PDGFD: variants seen among roughly 807,000 people sequenced by gnomAD.
The protein encoded by PDGFD is platelet-derived growth factor D.
In PDGFD, 30 loss-of-function variants were observed where a neutral mutation model predicts 44.7. That is an observed-to-expected ratio of 0.67 (90% CI 0.50 to 0.91). The LOEUF is 0.91. Among genes scored for constraint, PDGFD ranks in the 40% least tolerant of loss-of-function variants. The pLI, the probability that PDGFD is intolerant of heterozygous loss-of-function variation, is 0.00. For missense variants in PDGFD, 445 were observed against 457.8 expected (o/e 0.97, Z 0.25); for synonymous variants, 173 against 168.4 (o/e 1.03, Z -0.21).
chr11:104,163,886 G>C lies in PDGFD; in HGVS notation c.42C>G (p.Asn14Lys), dbSNP rs924639839. ...CAGAAGTGTCCCGACAGCTGCAAAA[G>C]TTTGCGCAGATTAGAGTGTAGACAA... ...LIFVYTLICANFCSCRDTSAT... is the reference protein window; with the variant it reads ...LIFVYTLICAKFCSCRDTSAT... Residue 14 changes from asparagine to lysine, a missense_variant, in exon 1 of 7, where the codon AAC becomes AAG. Physicochemically the swap from Asn to Lys is moderately conservative, Grantham distance 94 (BLOSUM62 0). Transcript: ENST00000393158. The C allele has an allele frequency of 1.3e-6, 2 of 1,576,286 alleles. No homozygotes were observed. Among genetic ancestry groups the C allele is most frequent in the Admixed American group, 1.7e-5 (1 of 58,786 alleles).
chr11:104,158,452 G>C (rs893848940), intron 1 of PDGFD, among the ~76,000 whole-genome samples: 3 of 152,196 alleles, frequency 2.0e-5, no homozygotes, highest in African/African-American at 7.2e-5. Context: ...CATTCCAAGA[G>C]GTCAGGAACC....
At chr11:103,937,146 G>A (rs1224472746) in intron 5 of PDGFD, among the ~76,000 whole-genome samples, 1 of 152,082 alleles carries the variant, frequency 6.6e-6, no homozygotes, top group Non-Finnish European at 1.5e-5. Context: ...TTTAAAAGAG[G>A]AGTGGATTTG....
intron 1 of PDGFD, among the ~76,000 whole-genome samples, chr11:104,027,635 A>G (rs1015029485): frequency 6.6e-6 from 1 of 152,218 alleles, no homozygotes; most frequent in Non-Finnish European, 1.5e-5. Flanking sequence ...CAAAGCCACA[A>G]CAGGCTTTCT....
At position 104,092,136 on chromosome 11, in the gene PDGFD, A is replaced by T. The variant is rs539652140; in HGVS notation, c.124+71668T>A. Reference sequence around the variant, plus strand: ...AGCAAGGTGATGTTCCTAAGATCACATAGCTAGTGTATATCAGTGCCAAAA... The same window carrying T: ...AGCAAGGTGATGTTCCTAAGATCACTTAGCTAGTGTATATCAGTGCCAAAA... On this transcript the variant is annotated intron_variant, in intron 1 of 6. Transcript: ENST00000393158. Among the ~76,000 whole-genome samples the T allele has an allele frequency of 2.6e-5, 4 of 152,318 alleles. No homozygotes were observed. In the East Asian group the frequency reaches 7.7e-4, roughly 29 times the overall value.
At chr11:104,128,697 TTTTACCTCAATAAGTGTCA>T (rs2119834638) in intron 1 of PDGFD, among the ~76,000 whole-genome samples, 1 of 152,286 alleles carries the variant, frequency 6.6e-6, no homozygotes, top group South Asian at 2.1e-4. Flanking sequence ...GGGAAATTTA[TTTTACCTCAATAAGTGTCA>T]ACTTATTGAC....
chr11:103,939,208 C>G (rs112204727), intron 5 of PDGFD, among the ~76,000 whole-genome samples: 27 of 152,064 alleles, frequency 1.8e-4, no homozygotes, highest in East Asian at 5.8e-4. Flanking sequence ...TCTTCCATTT[C>G]TTTGTATCCT....
At chr11:103,964,207 T>TC (rs949845176) in intron 3 of PDGFD, among the ~76,000 whole-genome samples, 13 of 152,272 alleles carry the variant, frequency 8.5e-5, no homozygotes, top group African/African-American at 3.1e-4. Flanking sequence ...CTCTTTTTTT[T>TC]CTCTGTTATA....
chr11:103,989,628 G>A (rs1859421643), intron 3 of PDGFD, among the ~76,000 whole-genome samples: 1 of 152,170 alleles, frequency 6.6e-6, no homozygotes, highest in Non-Finnish European at 1.5e-5. Flanking sequence ...ATATGGCTGG[G>A]TCCATAAGCA....
chr11:104,145,761 T>A (rs1051941276), intron 1 of PDGFD, among the ~76,000 whole-genome samples: 21 of 152,126 alleles, frequency 1.4e-4, no homozygotes, highest in African/African-American at 4.6e-4. Flanking sequence ...GACCCCCGAG[T>A]GTGCTTGTAT....
intron 3 of PDGFD, among the ~76,000 whole-genome samples, chr11:103,956,621 C>G (rs531960087): frequency 6.6e-6 from 1 of 151,798 alleles, no homozygotes; most frequent in East Asian, 1.9e-4. Flanking sequence ...GTTCTAGATC[C>G]CTGAGGAATC....
At chr11:103,934,466 A>G (rs932189373) in intron 5 of PDGFD, among the ~76,000 whole-genome samples, 1 of 152,238 alleles carries the variant, frequency 6.6e-6, no homozygotes, top group Admixed American at 6.5e-5. Flanking sequence ...ATCAGACGTA[A>G]CACTATCCTT....
intron 1 of PDGFD, among the ~76,000 whole-genome samples, chr11:104,109,408 T>C (rs1861518638): frequency 1.3e-5 from 2 of 152,126 alleles, no homozygotes; most frequent in African/African-American, 4.8e-5. Context: ...TCAAATGAGA[T>C]GATGTGACCC....
chr11:103,922,779 T>C (rs1858245762), intron 6 of PDGFD, among the ~76,000 whole-genome samples: 1 of 152,060 alleles, frequency 6.6e-6, no homozygotes, highest in South Asian at 2.1e-4. Flanking sequence ...GGGGTCTCGC[T>C]ATGTTGACCC....
rs573505136 is a variant in PDGFD at position 104,034,203 on chromosome 11, T to C, written c.125-33948A>G. Among the ~76,000 whole-genome samples the C allele has an allele frequency of 2.6e-5, 4 of 152,280 alleles. No individual in the cohort carries two copies. In the South Asian group the frequency reaches 8.3e-4, roughly 32 times the overall value. On this transcript the variant is annotated intron_variant, in intron 1 of 6. Coordinates refer to ENST00000393158, the MANE Select transcript of PDGFD (RefSeq NM_025208.5). Reference sequence around the variant, plus strand: ...TCTCCTGAATACCACTACTGTGGTATTTTTTACCCTTCAATTTGTGTGTGT... The same window carrying C: ...TCTCCTGAATACCACTACTGTGGTACTTTTTACCCTTCAATTTGTGTGTGT...
At chr11:104,106,113 T>G (rs1044955614) in intron 1 of PDGFD, among the ~76,000 whole-genome samples, 1 of 152,162 alleles carries the variant, frequency 6.6e-6, no homozygotes, top group Non-Finnish European at 1.5e-5. Context: ...ATTTCTGAAC[T>G]GAGGAGCAGA....
rs150435392 is a variant in PDGFD at position 103,984,525 on chromosome 11, A to G, written c.510+11540T>C. On this transcript the variant is annotated intron_variant, in intron 3 of 6. Coordinates refer to ENST00000393158, the MANE Select transcript of PDGFD (RefSeq NM_025208.5). ...AAACCCCCATGACACAATTTTGCCT[A>G]TGTAACAAACCTGCACATGTGCCCC... Among the ~76,000 whole-genome samples, 82 of 151,764 alleles carry G rather than the reference A, an allele frequency of 5.4e-4. 1 individual carries two copies. The highest frequency in any genetic ancestry group is 3.7e-3 in the South Asian group (18 of 4,820).
In PDGFD at chr11:103,926,868, C is replaced by T; in HGVS notation, c.987+44G>A. Reference sequence around the variant, plus strand: ...ATGCAATGGCCCTGTCTTCCTGAATCCTATAGATTAAGCATTGCAACAAGA... The same window carrying T: ...ATGCAATGGCCCTGTCTTCCTGAATTCTATAGATTAAGCATTGCAACAAGA... On this transcript the variant is annotated intron_variant, in intron 6 of 6. Coordinates refer to ENST00000393158, the MANE Select transcript of PDGFD (RefSeq NM_025208.5). The T allele has an allele frequency of 1.9e-6, 3 of 1,561,050 alleles. No individual in the cohort carries two copies. In the Middle Eastern group the frequency reaches 5.0e-4, roughly 260 times the overall value.
At chr11:104,038,948 GTTAAAATAACA>G (rs1860301870) in intron 1 of PDGFD, 2 of 167,108 alleles carry the variant, frequency 1.2e-5, no homozygotes, top group South Asian at 4.1e-4. Flanking sequence ...GGTTTTCACT[GTTAAAATAACA>G]TTTGAAAACT....
chr11:103,996,231 TC>T lies in PDGFD; in HGVS notation c.343del (p.Glu115LysfsTer26). ...ACTGGTTTCGGATATATCTTCAACT[TC>T]CACAAAATCATACCTAGAATCAATT... ...ENDICRYDFVEVEDISETSTI... is the reference protein window; with the variant it reads ...ENDICRYDFVXVEDISETSTI... On this transcript the variant is annotated frameshift_variant, in exon 3 of 7. Coordinates refer to ENST00000393158, the MANE Select transcript of PDGFD (RefSeq NM_025208.5). LOFTEE classifies it high-confidence loss of function. 6.2e-7 allele frequency: 1 copy of T among 1,610,550 alleles called. No individual in the cohort carries two copies. The highest frequency in any genetic ancestry group is 8.5e-7 in the Non-Finnish European group (1 of 1,178,296).
Sources: gnomAD v4.1 joint callset for allele counts (sites outside exome capture counted in the v4.1 genomes callset) on GRCh38, gnomAD v4.1.1 for gene constraint, MANE v1.5 for transcripts, NCBI Gene and HGNC (gene_info 2026-07-23, HGNC 2026-07-21) for gene names.